The following UNC13C variants were observed in gnomAD, a reference collection of about 807,000 sequenced individuals.
The protein encoded by UNC13C is protein unc-13 homolog C.
In UNC13C, 174 loss-of-function variants were observed where a neutral mutation model predicts 245.4. The observed-to-expected ratio is 0.71, with a 90% CI of 0.63 to 0.80. The LOEUF (loss-of-function observed/expected upper bound fraction) is 0.80, where lower values mean the gene tolerates loss of function less well. Ranked by LOEUF, UNC13C falls within the 30% of genes least tolerant of loss-of-function variation. The pLI is 0.00. For missense variants in UNC13C, 2,829 were observed against 2,602.9 expected (o/e 1.09, Z -1.89); for synonymous variants, 992 against 895.1 (o/e 1.11, Z -1.93).
chr15:54,311,351 A>G (rs1839283675), intron 13 of UNC13C, among the ~76,000 whole-genome samples: 1 of 151,802 alleles, frequency 6.6e-6, no homozygotes, highest in Admixed American at 6.6e-5. Context: ...TTTAACTATA[A>G]CTAAATGTAT....
intron 30 of UNC13C, among the ~76,000 whole-genome samples, chr15:54,588,023 T>C (rs1340812748): frequency 1.3e-5 from 2 of 152,188 alleles, no homozygotes; most frequent in African/African-American, 4.8e-5. Context: ...AGATGGGTTT[T>C]GTATGGTGTT....
intron 26 of UNC13C, among the ~76,000 whole-genome samples, chr15:54,543,608 G>A (rs1262259416): frequency 2.6e-5 from 4 of 151,964 alleles, no homozygotes; most frequent in Non-Finnish European, 5.9e-5. Context: ...AATGATAAAG[G>A]TGATATCACC....
the UNC13C span, chr15:53,837,674 C>T: frequency 7.2e-5 from 11 of 152,260 alleles, no homozygotes; most frequent in East Asian, 7.7e-4. Flanking sequence ...ATGACAGTCT[C>T]TTCTGAAAAT....
intron 4 of UNC13C, among the ~76,000 whole-genome samples, chr15:54,209,370 T>C (rs763949634): frequency 9.9e-5 from 15 of 152,050 alleles, no homozygotes; most frequent in Admixed American, 3.9e-4. Context: ...TAGAGTGAAG[T>C]GTATCCTGAA....
chr15:54,248,254 C>G (rs1485797585), intron 7 of UNC13C, among the ~76,000 whole-genome samples: 1 of 152,010 alleles, frequency 6.6e-6, no homozygotes, highest in Non-Finnish European at 1.5e-5. Flanking sequence ...TTGCCTGATG[C>G]AATTGCAAGT....
At chr15:54,120,002 A>T (rs760600910) in intron 2 of UNC13C, among the ~76,000 whole-genome samples, 1 of 152,230 alleles carries the variant, frequency 6.6e-6, no homozygotes. Context: ...TCTCCATAAC[A>T]TAAAAGTACA....
chr15:54,148,821 C>G (rs963410929), intron 4 of UNC13C, among the ~76,000 whole-genome samples: 1 of 152,158 alleles, frequency 6.6e-6, no homozygotes, highest in East Asian at 1.9e-4. Context: ...GTGGTTTACC[C>G]TACGGCACCA....
At chr15:54,254,043 T>C (rs187247964) in intron 8 of UNC13C, among the ~76,000 whole-genome samples, 22 of 152,358 alleles carry the variant, frequency 1.4e-4, no homozygotes, top group Admixed American at 3.3e-4. Context: ...TCTTTAGTTC[T>C]ACGTGCTTTC....
the UNC13C span, among the ~76,000 whole-genome samples, chr15:53,897,306 G>A: frequency 0.14 from 20,902 of 152,128 alleles, 1,729 homozygotes; most frequent in South Asian, 0.19. Flanking sequence ...GACTGGATCC[G>A]GAAAATGGTA....
the UNC13C span, among the ~76,000 whole-genome samples, chr15:53,870,271 T>C: frequency 1.2e-4 from 19 of 152,346 alleles, no homozygotes; most frequent in African/African-American, 4.6e-4. Context: ...TCTATTTTTC[T>C]CCTCTCCTTT....
rs764132326 is a variant in UNC13C, at chr15:54,013,287, A to C, written c.384A>C (p.Ser128=). The C allele has an allele frequency of 1.2e-6, 2 of 1,613,846 alleles. No individual in the cohort carries two copies. The highest frequency in any genetic ancestry group is 2.2e-5 in the South Asian group (2 of 91,074). The change falls in exon 2 of 33, where the codon TCA becomes TCC. Residue 128 remains serine (S), a synonymous_variant. Transcript: ENST00000260323. ...TCTCTTCAATCGAGAGTTCCTACTCAGAATCATTAAATGAACTAAGGAGTA... is the reference window on the plus strand; with the variant it reads ...TCTCTTCAATCGAGAGTTCCTACTCCGAATCATTAAATGAACTAAGGAGTA... ...QELSSIESSY[S]ESLNELRSST...
At chr15:54,219,584 C>A (rs1320098030) in intron 4 of UNC13C, among the ~76,000 whole-genome samples, 3 of 144,326 alleles carry the variant, frequency 2.1e-5, no homozygotes, top group African/African-American at 5.3e-5. Flanking sequence ...GCAACAAAAG[C>A]CAAAATTGAC....
chr15:53,969,526 T>A, the UNC13C span, among the ~76,000 whole-genome samples: 1 of 151,552 alleles, frequency 6.6e-6, no homozygotes, highest in Non-Finnish European at 1.5e-5. Context: ...CTATAAAAAA[T>A]TTTTAAAAAA....
chr15:54,337,264 T>G (rs2038605854), intron 16 of UNC13C, among the ~76,000 whole-genome samples: 1 of 152,218 alleles, frequency 6.6e-6, no homozygotes, highest in Admixed American at 6.5e-5. Flanking sequence ...TTCTCTTCAC[T>G]ATCCATACTC....
At chr15:54,264,744 A>T (rs1195798583) in intron 9 of UNC13C, among the ~76,000 whole-genome samples, 1 of 151,808 alleles carries the variant, frequency 6.6e-6, no homozygotes. Context: ...GAGAAAAGCG[A>T]TGTTATTTTA....
chr15:54,239,837 G>A (rs1217156381), intron 7 of UNC13C, among the ~76,000 whole-genome samples: 2 of 152,178 alleles, frequency 1.3e-5, no homozygotes, highest in African/African-American at 4.8e-5. Context: ...ACATCCTCTG[G>A]TGTAGGAGAA....
intron 19 of UNC13C, among the ~76,000 whole-genome samples, chr15:54,453,081 G>A (rs748720666): frequency 1.1e-4 from 17 of 152,132 alleles, no homozygotes; most frequent in Non-Finnish European, 2.2e-4. Context: ...TCCAGTATGA[G>A]GGACCAAACC....
chr15:54,261,832 C>T (rs2036435183), intron 8 of UNC13C, among the ~76,000 whole-genome samples: 2 of 152,242 alleles, frequency 1.3e-5, no homozygotes, highest in African/African-American at 4.8e-5. Context: ...CTTGAGCCAC[C>T]GCGCCCGGCC....
intron 24 of UNC13C, among the ~76,000 whole-genome samples, chr15:54,523,548 T>G (rs202206100): frequency 6.6e-6 from 1 of 152,174 alleles, no homozygotes; most frequent in Non-Finnish European, 1.5e-5. Context: ...ATGAGAAATA[T>G]CTATTCACCA....
Sources: allele counts gnomAD v4.1 joint callset (sites outside exome capture counted in the v4.1 genomes callset), GRCh38; gene constraint gnomAD v4.1.1; transcripts MANE v1.5; gene names NCBI Gene and HGNC (gene_info 2026-07-23, HGNC 2026-07-21).